CACNA1C: variants seen among roughly 807,000 people sequenced by gnomAD.
CACNA1C encodes the protein calcium voltage-gated channel subunit alpha1 C, also known as voltage-dependent L-type calcium channel subunit alpha-1C.
A neutral mutation model predicts 229.0 loss-of-function variants in CACNA1C; 30 were observed. The ratio of observed to expected loss-of-function variants is 0.13; its 90% CI spans 0.10 to 0.18. The LOEUF (loss-of-function observed/expected upper bound fraction) is 0.18, where lower values mean the gene tolerates loss of function less well. Ranked by LOEUF, CACNA1C falls within the 10% of genes least tolerant of loss-of-function variation. The pLI is 1.00. For synonymous variants in CACNA1C, 1,114 were observed against 1,132.5 expected (o/e 0.98, Z 0.33); for missense variants, 1,658 against 2,845.0 (o/e 0.58, Z 9.49).
chr12:2,079,998 C>A (rs1459339623), intron 1 of CACNA1C, among the ~76,000 whole-genome samples: 1 of 152,176 alleles, frequency 6.6e-6, no homozygotes, highest in Non-Finnish European at 1.5e-5. Context: ...TGGTGGCTCA[C>A]ACCTGTAATC....
At chr12:2,690,478 C>T (rs1027583209) in intron 46 of CACNA1C, among the ~76,000 whole-genome samples, 13 of 152,312 alleles carry the variant, frequency 8.5e-5, no homozygotes, top group Admixed American at 6.5e-4. Flanking sequence ...CACAGGTGTG[C>T]ATCACCACAC....
chr12:2,407,238 T>G (rs1480843456), intron 3 of CACNA1C, among the ~76,000 whole-genome samples: 1 of 152,218 alleles, frequency 6.6e-6, no homozygotes, highest in East Asian at 1.9e-4. Flanking sequence ...CTAGTTGGGG[T>G]GGAAGTTCAG....
At chr12:2,572,339 TTCCTCCTCCTCC>T (rs1327075641) in intron 13 of CACNA1C, among the ~76,000 whole-genome samples, 1 of 29,158 alleles carries the variant, frequency 3.4e-5, no homozygotes, top group East Asian at 1.1e-3. Flanking sequence ...CCTTCTCTTC[TTCCTCCTCCTCC>T]TCCTCTCCTC....
chr12:2,450,910 A>G (rs990022707), intron 4 of CACNA1C, among the ~76,000 whole-genome samples: 1 of 152,220 alleles, frequency 6.6e-6, no homozygotes, highest in Non-Finnish European at 1.5e-5. Context: ...TCTTTACTGC[A>G]GGAAATGACG....
At chr12:2,329,689 A>C (rs16929275) in intron 3 of CACNA1C, among the ~76,000 whole-genome samples, 3 of 152,126 alleles carry the variant, frequency 2.0e-5, no homozygotes, top group African/African-American at 7.3e-5. Flanking sequence ...TTATGGGGAC[A>C]TGGTGAAGAG....
intron 3 of CACNA1C, among the ~76,000 whole-genome samples, chr12:2,122,434 A>C (rs1005643500): frequency 1.3e-5 from 2 of 152,004 alleles, no homozygotes; most frequent in African/African-American, 2.4e-5. Context: ...GCATCAGAAA[A>C]CCCTTAAAAC....
intron 29 of CACNA1C, among the ~76,000 whole-genome samples, chr12:2,622,177 C>T (rs190798419): frequency 6.6e-6 from 1 of 152,288 alleles, no homozygotes; most frequent in East Asian, 1.9e-4. Flanking sequence ...AGAAACGGTC[C>T]TCCAGGCCTT....
rs766747621 is a variant in CACNA1C, at chr12:2,512,553, C to T, written c.1218-259C>T. The stretch of plus-strand genomic sequence containing the variant: ...GGAAAAGAGGGAGATGGACTTCATC[C>T]ATCCCCTTAAGCCTCTCCTGGCCAG... On this transcript the variant is annotated intron_variant, in intron 8 of 46. Transcript: ENST00000399655. This position sits in a 1 kb window ranked among gnomAD's most constrained non-coding sequence, Gnocchi z 4.3. Among the ~76,000 whole-genome samples, 11 of 152,118 alleles carry T rather than the reference C, an allele frequency of 7.2e-5. No homozygotes were observed. The highest frequency in any genetic ancestry group is 1.5e-4 in the Non-Finnish European group (10 of 68,016).
intron 29 of CACNA1C, 47 bp from the exon 30 acceptor site, chr12:2,634,250 T>C (rs1289329666): frequency 8.9e-6 from 8 of 900,174 alleles, no homozygotes; most frequent in South Asian, 2.0e-5. Flanking sequence ...TTGTCCTTTC[T>C]TGTTGGTTCT....
chr12:2,135,619 A>G (rs11062129), intron 3 of CACNA1C, among the ~76,000 whole-genome samples: 26,097 of 132,880 alleles, frequency 0.2, 4,480 homozygotes, highest in South Asian at 0.27. Context: ...TAGGCTGCTC[A>G]GGGGTCAGGG....
intron 3 of CACNA1C, among the ~76,000 whole-genome samples, chr12:2,357,277 G>A (rs1257731166): frequency 6.6e-6 from 1 of 152,206 alleles, no homozygotes; most frequent in African/African-American, 2.4e-5. Context: ...AAGGAAGCTG[G>A]CATCTCTGTT....
chr12:2,313,053 G>T lies in CACNA1C; in HGVS notation c.478-135923G>T, dbSNP rs115189520. ...TATAGCAGAACTTGATTGAAATGCT[G>T]TACAGAATTGGCCTGGGAGTACAGA... On this transcript the variant is annotated intron_variant, in intron 3 of 46. Coordinates refer to ENST00000399655, the MANE Select transcript of CACNA1C (RefSeq NM_000719.7). Among the ~76,000 whole-genome samples, 3 of 152,264 alleles carry T rather than the reference G, an allele frequency of 2.0e-5. No individual in the cohort carries two copies. The South Asian group carries it at 6.2e-4, about 32-fold the overall frequency.
chr12:2,411,608 G>A (rs773467983), intron 3 of CACNA1C, among the ~76,000 whole-genome samples: 137 of 152,294 alleles, frequency 9.0e-4, no homozygotes, highest in Middle Eastern at 3.4e-3. Flanking sequence ...AGAGCCCCTC[G>A]TTCAGAAAGC....
chr12:2,364,088 C>T (rs939854325), intron 3 of CACNA1C, among the ~76,000 whole-genome samples: 5 of 152,216 alleles, frequency 3.3e-5, no homozygotes, highest in Non-Finnish European at 5.9e-5. Flanking sequence ...ATCCCAGCCC[C>T]AGACCAGCCC....
Position 2,365,171 on chromosome 12 carries a change from G to A in CACNA1C, c.478-83805G>A, listed in dbSNP as rs554831279. On this transcript the variant is annotated intron_variant, in intron 3 of 46. Transcript: ENST00000399655. ...GTGAAATTATGGAGCGTGTGTAGGG[G>A]CCAGAGAAGCGAAACATTTTGATTT... Among the ~76,000 whole-genome samples the A allele has an allele frequency of 3.9e-5, 6 of 152,244 alleles. No homozygotes were observed. The East Asian group carries it at 1.2e-3, about 29-fold the overall frequency.
chr12:2,344,217 G>A (rs1211153049), intron 3 of CACNA1C, among the ~76,000 whole-genome samples: 1 of 152,122 alleles, frequency 6.6e-6, no homozygotes, highest in African/African-American at 2.4e-5. Context: ...CTACTGTTAG[G>A]AAATTTACCT....
intron 1 of CACNA1C, chr12:1,992,263 T>TA (rs1308556503): frequency 6.3e-6 from 1 of 159,600 alleles, no homozygotes; most frequent in African/African-American, 2.4e-5. Flanking sequence ...ATTTATTCTC[T>TA]AAATAATAGG....
chr12:2,448,036 G>T (rs898687710), intron 3 of CACNA1C, among the ~76,000 whole-genome samples: 2 of 152,252 alleles, frequency 1.3e-5, no homozygotes, highest in African/African-American at 4.8e-5. Context: ...CCTTTGCCTG[G>T]TGGGGGCCAT....
chr12:2,250,581 C>CA (rs1307800665), intron 3 of CACNA1C, among the ~76,000 whole-genome samples: 16 of 152,190 alleles, frequency 1.1e-4, no homozygotes, highest in Non-Finnish European at 2.9e-5. Context: ...GAGAGACTGG[C>CA]ACCTCCTCCA....
Sources: gnomAD v4.1 joint callset for allele counts (sites outside exome capture counted in the v4.1 genomes callset) on GRCh38, gnomAD v4.1.1 for gene constraint, Gnocchi (gnomAD v3.1) non-coding constraint, MANE v1.5 for transcripts, NCBI Gene and HGNC (gene_info 2026-07-23, HGNC 2026-07-21) for gene names.